Variants in RGS17 observed in about 807,000 individuals in gnomAD.
The protein encoded by RGS17 is regulator of G protein signaling 17, also known as regulator of G-protein signaling 17.
Under a neutral mutation model 25.5 loss-of-function variants are expected in RGS17, and 12 were observed. That is an observed-to-expected ratio of 0.47 (90% CI 0.30 to 0.76). The LOEUF is 0.76. Ranked by LOEUF, RGS17 falls within the 30% of genes least tolerant of loss-of-function variation. The pLI is 0.07. For synonymous variants in RGS17, 71 were observed against 76.9 expected (o/e 0.92, Z 0.40); for missense variants, 196 against 242.2 (o/e 0.81, Z 1.27).
At chr6:153,078,374 A>T (rs1776918360) in intron 1 of RGS17, among the ~76,000 whole-genome samples, 1 of 152,174 alleles carries the variant, frequency 6.6e-6, no homozygotes, top group Admixed American at 6.5e-5. Context: ...TAAAGGTCCT[A>T]AAAATATTAA....
intron 1 of RGS17, among the ~76,000 whole-genome samples, chr6:153,054,631 A>G (rs895873047): frequency 6.7e-6 from 1 of 149,306 alleles, no homozygotes; most frequent in Non-Finnish European, 1.5e-5. Context: ...AGCCTGGGCA[A>G]CAGTGCATGA....
intron 2 of RGS17, among the ~76,000 whole-genome samples, chr6:153,039,307 CTGT>C (rs551660970): frequency 1.4e-3 from 219 of 152,234 alleles, no homozygotes; most frequent in African/African-American, 3.8e-3. Flanking sequence ...CCAAACGTTG[CTGT>C]TGTTGTTGTT....
rs146484245 is a variant in RGS17, at chr6:153,024,289, A to G, written c.417T>C (p.Asp139=). 1.1e-5 allele frequency: 17 copies of G among 1,611,890 alleles called. No homozygotes were observed. The African/African-American group carries it at 1.6e-4, about 15-fold the overall frequency. The change falls in exon 4 of 5, where the codon GAT becomes GAC. Residue 139 remains aspartate (D), a synonymous_variant. Coordinates refer to ENST00000206262, the MANE Select transcript of RGS17 (RefSeq NM_012419.5). ...CTTTTGGTGATAGTATAGAAATGTA[A>G]TCTTCATATATCATCCTAGCCTTTT... is the stretch of plus-strand genomic sequence containing the variant. ...IEEKARMIYE[D]YISILSPKEV...
chr6:153,080,303 T>C (rs1212238552), intron 1 of RGS17, among the ~76,000 whole-genome samples: 3 of 152,186 alleles, frequency 2.0e-5, no homozygotes, highest in Non-Finnish European at 4.4e-5. Flanking sequence ...TTGATGTCTT[T>C]CAAGAAATTT....
intron 2 of RGS17, among the ~76,000 whole-genome samples, chr6:153,029,054 G>C (rs1269306144): frequency 6.6e-6 from 1 of 152,106 alleles, no homozygotes; most frequent in Admixed American, 6.6e-5. Context: ...TACCATATTA[G>C]AGCGATCATT....
chr6:153,114,701 T>A (rs903200362), intron 1 of RGS17, among the ~76,000 whole-genome samples: 26 of 152,096 alleles, frequency 1.7e-4, no homozygotes, highest in African/African-American at 6.0e-4. Flanking sequence ...GCAAACTGAA[T>A]CCAGCAGCAC....
chr6:153,059,926 C>T (rs183558372), intron 1 of RGS17, among the ~76,000 whole-genome samples: 14 of 152,276 alleles, frequency 9.2e-5, no homozygotes, highest in African/African-American at 3.1e-4. Flanking sequence ...ATTCCACCAT[C>T]TGGGAGGTTG....
intron 1 of RGS17, among the ~76,000 whole-genome samples, chr6:153,124,581 C>T (rs1777679293): frequency 1.3e-5 from 2 of 152,044 alleles, no homozygotes; most frequent in African/African-American, 4.8e-5. Context: ...TCTTTTAATC[C>T]TTTAACATTT....
chr6:153,061,332 CT>C (rs1432098870), intron 1 of RGS17, among the ~76,000 whole-genome samples: 2 of 152,156 alleles, frequency 1.3e-5, no homozygotes, highest in African/African-American at 2.4e-5. Flanking sequence ...TAAAAACTCT[CT>C]GTTTAATATA....
rs370940271 is a variant in RGS17, at chr6:153,130,277, C to T, written c.-26+847G>A. 2.0e-5 allele frequency among the ~76,000 whole-genome samples: 3 copies of T among 152,156 alleles called. No homozygotes were observed. Among genetic ancestry groups the T allele is most frequent in the African/African-American group, 7.2e-5 (3 of 41,426 alleles). The stretch of plus-strand genomic sequence containing the variant: ...GATTAAACTATGATTCCATCGATCA[C>T]GGAAAGACCACCATCACCTACAGCA... On this transcript the variant is annotated intron_variant, in intron 1 of 4. Coordinates refer to ENST00000206262, the MANE Select transcript of RGS17 (RefSeq NM_012419.5). The surrounding 1 kb of genome is among the most constrained non-coding windows in gnomAD (Gnocchi z 6.4).
chr6:153,110,070 T>C (rs1777444789), intron 1 of RGS17, among the ~76,000 whole-genome samples: 1 of 152,214 alleles, frequency 6.6e-6, no homozygotes, highest in Non-Finnish European at 1.5e-5. Context: ...GGAAATACCA[T>C]GGTATTTTTC....
At chr6:153,062,034 T>C (rs1052490432) in intron 1 of RGS17, among the ~76,000 whole-genome samples, 3 of 152,162 alleles carry the variant, frequency 2.0e-5, no homozygotes, top group Non-Finnish European at 4.4e-5. Context: ...AAAAATTTGT[T>C]GGAGAGTGAA....
At chr6:153,082,328 G>C (rs1470483991) in intron 1 of RGS17, among the ~76,000 whole-genome samples, 2 of 152,072 alleles carry the variant, frequency 1.3e-5, no homozygotes, top group Non-Finnish European at 2.9e-5. Flanking sequence ...TCCAAATTCT[G>C]GAAGTTCAAT....
intron 1 of RGS17, among the ~76,000 whole-genome samples, chr6:153,076,335 TA>T (rs1362703095): frequency 6.6e-6 from 1 of 152,056 alleles, no homozygotes; most frequent in Non-Finnish European, 1.5e-5. Context: ...ATTATCAACA[TA>T]AGAGAAAAGA....
chr6:153,098,123 G>A (rs893876482), intron 1 of RGS17, among the ~76,000 whole-genome samples: 3 of 152,168 alleles, frequency 2.0e-5, no homozygotes, highest in Non-Finnish European at 4.4e-5. Flanking sequence ...AGAAAAGAGG[G>A]TGGATGTACA....
At chr6:153,012,394 TGA>T (rs1288062884) in intron 4 of RGS17, among the ~76,000 whole-genome samples, 1 of 152,142 alleles carries the variant, frequency 6.6e-6, no homozygotes, top group African/African-American at 2.4e-5. Context: ...TTGCTTGGAG[TGA>T]GATCTTTGAG....
intron 1 of RGS17, among the ~76,000 whole-genome samples, chr6:153,044,631 G>A (rs996084514): frequency 2.0e-5 from 3 of 152,156 alleles, no homozygotes; most frequent in African/African-American, 7.2e-5. Context: ...TTTCTGTTAG[G>A]TGTCAGTGTT....
At chr6:153,052,260 C>G (rs960349749) in intron 1 of RGS17, among the ~76,000 whole-genome samples, 2 of 30,556 alleles carry the variant, frequency 6.5e-5, no homozygotes, top group Non-Finnish European at 1.1e-4. Context: ...GAAAATGGGA[C>G]CTCTGCCCCC....
At chr6:153,059,409 T>C (rs899824688) in intron 1 of RGS17, among the ~76,000 whole-genome samples, 7 of 152,198 alleles carry the variant, frequency 4.6e-5, no homozygotes, top group Non-Finnish European at 1.0e-4. Flanking sequence ...ACTCTTATTA[T>C]TCTGCACTTC....
Sources: gnomAD v4.1 joint callset for allele counts (sites outside exome capture counted in the v4.1 genomes callset) on GRCh38, gnomAD v4.1.1 for gene constraint, Gnocchi (gnomAD v3.1) non-coding constraint, MANE v1.5 for transcripts, NCBI Gene and HGNC (gene_info 2026-07-23, HGNC 2026-07-21) for gene names.